The following PCDHGA3 variants were observed in gnomAD, a reference collection of about 807,000 sequenced individuals.
The protein encoded by PCDHGA3 is protocadherin gamma subfamily A, 3, also known as protocadherin gamma-A3.
Under a neutral mutation model 58.5 loss-of-function variants are expected in PCDHGA3, and 40 were observed. The ratio of observed to expected loss-of-function variants is 0.68; its 90% CI spans 0.53 to 0.89. PCDHGA3 has a LOEUF of 0.89. Among genes scored for constraint, PCDHGA3 ranks in the 40% least tolerant of loss-of-function variants. The pLI is 0.00. For missense variants in PCDHGA3, 1,223 were observed against 1,195.9 expected (o/e 1.02, Z -0.33); for synonymous variants, 530 against 525.7 (o/e 1.01, Z -0.11).
In PCDHGA3 at chr5:141,477,963, A is replaced by C; in HGVS notation, c.2425-16844A>C. ...TACAGTCTCTTGGGATCCCCTAACC[A>C]GAGCCTTTTTGCCATAGGGCTGCAC... On this transcript the variant is annotated intron_variant, in intron 1 of 3. Coordinates refer to ENST00000253812, the MANE Select transcript of PCDHGA3 (RefSeq NM_018916.4). The surrounding 1 kb of genome is among the most constrained non-coding windows in gnomAD (Gnocchi z 4.9). The C allele has an allele frequency of 1.2e-6, 2 of 1,614,118 alleles. No individual in the cohort carries two copies. The highest frequency in any genetic ancestry group is 1.7e-6 in the Non-Finnish European group (2 of 1,180,024).
intron 1 of PCDHGA3, among the ~76,000 whole-genome samples, chr5:141,451,606 G>C (rs2098720118): frequency 6.6e-6 from 1 of 152,152 alleles, no homozygotes; most frequent in Non-Finnish European, 1.5e-5. Flanking sequence ...ACAAGGCTAG[G>C]CATGGTGGCT....
intron 1 of PCDHGA3, chr5:141,430,634 C>G: frequency 1.1e-6 from 1 of 882,730 alleles, no homozygotes; most frequent in Non-Finnish European, 1.7e-6. Flanking sequence ...TGAACCATCC[C>G]TGGGAGTATG....
intron 3 of PCDHGA3, among the ~76,000 whole-genome samples, chr5:141,508,624 G>A (rs552418899): frequency 3.3e-5 from 5 of 152,256 alleles, no homozygotes; most frequent in African/African-American, 9.6e-5. Context: ...TGGGTGGGCC[G>A]AGCTTCTAGC....
Position 141,487,424 on chromosome 5 carries a change from C to T in PCDHGA3, c.2425-7383C>T, listed in dbSNP as rs759893122. 5 of 1,613,982 alleles carry T rather than the reference C, an allele frequency of 3.1e-6. No individual in the cohort carries two copies. The highest frequency in any genetic ancestry group is 1.7e-5 in the Admixed American group (1 of 60,000). On this transcript the variant is annotated intron_variant, in intron 1 of 3. Transcript: ENST00000253812. The surrounding 1 kb of genome is among the most constrained non-coding windows in gnomAD (Gnocchi z 5.0). ...GCTTCCCCCTTCCAATGGGATCCTC[C>T]GAATCCAGCTAGGGTCAGATGACCC...
intron 1 of PCDHGA3, chr5:141,372,843 T>C (rs1344316065): frequency 6.6e-7 from 1 of 1,510,382 alleles, no homozygotes; most frequent in East Asian, 2.3e-5. Flanking sequence ...TCCATAAATA[T>C]AATTGGGTTT....
chr5:141,473,776 T>C (rs1026169931), intron 1 of PCDHGA3, among the ~76,000 whole-genome samples: 1 of 152,214 alleles, frequency 6.6e-6, no homozygotes, highest in Non-Finnish European at 1.5e-5. Context: ...TTTGGTATTT[T>C]AATTCAAGAG....
At chr5:141,372,680 C>T in intron 1 of PCDHGA3, 1 of 1,614,016 alleles carries the variant, frequency 6.2e-7, no homozygotes, top group South Asian at 1.1e-5. Context: ...ATTCCTCAAA[C>T]ACCGAGTTTA....
chr5:141,404,348 G>T lies in PCDHGA3; in HGVS notation c.2424+57891G>T, dbSNP rs370966293. 60 of 1,613,640 alleles carry T rather than the reference G, an allele frequency of 3.7e-5. No individual in the cohort carries two copies. The highest frequency in any genetic ancestry group is 4.9e-5 in the Non-Finnish European group (58 of 1,179,784). ...CTCAGTCTACCTCCCGGAAAACAAC[G>T]CCAGAGGTACTTCCATCTTCTCCGT... On this transcript the variant is annotated intron_variant, in intron 1 of 3. Coordinates refer to ENST00000253812, the MANE Select transcript of PCDHGA3 (RefSeq NM_018916.4).
In PCDHGA3 at chr5:141,485,089, G is replaced by C; in HGVS notation, c.2425-9718G>C. 9.7e-7 allele frequency: 1 copy of C among 1,027,236 alleles called. No individual in the cohort carries two copies. The highest frequency in any genetic ancestry group is 1.5e-6 in the Non-Finnish European group (1 of 674,564). The allele number at this position is 1,027,236 out of a possible 1,614,324, so 63.6% of individuals were successfully genotyped here. On this transcript the variant is annotated intron_variant, in intron 1 of 3. Coordinates refer to ENST00000253812, the MANE Select transcript of PCDHGA3 (RefSeq NM_018916.4). This position sits in a 1 kb window ranked among gnomAD's most constrained non-coding sequence, Gnocchi z 5.7. ...GAGCTGGCGCGGGGAAAGGGAGATA[G>C]GTGTCTCCAGCTGCTGTGGCTGTTT... is the stretch of plus-strand genomic sequence containing the variant.
chr5:141,479,035 C>A (rs2099486361), intron 1 of PCDHGA3, among the ~76,000 whole-genome samples: 1 of 152,104 alleles, frequency 6.6e-6, no homozygotes, highest in Non-Finnish European at 1.5e-5. Context: ...TTATACAGAT[C>A]GTGTACCTCA....
intron 1 of PCDHGA3, chr5:141,355,971 A>G: frequency 6.2e-7 from 1 of 1,613,870 alleles, no homozygotes; most frequent in Non-Finnish European, 8.5e-7. Context: ...ACGTTCCTGT[A>G]GGCACTCGGC....
At position 141,485,062 on chromosome 5, in the gene PCDHGA3, C is replaced by A; in HGVS notation, c.2425-9745C>A. 1 of 876,340 alleles carries A rather than the reference C, an allele frequency of 1.1e-6. No individual in the cohort carries two copies. Among genetic ancestry groups the A allele is most frequent in the African/African-American group, 1.7e-5 (1 of 59,510 alleles). The allele number at this position is 876,340 out of a possible 1,614,324, so 54.3% of individuals were successfully genotyped here. On this transcript the variant is annotated intron_variant, in intron 1 of 3. Coordinates refer to ENST00000253812, the MANE Select transcript of PCDHGA3 (RefSeq NM_018916.4). This position sits in a 1 kb window ranked among gnomAD's most constrained non-coding sequence, Gnocchi z 5.7. ...CCTTGCGGCGCCGGCCGAACCGCGC[C>A]AGAGCTGGCGCGGGGAAAGGGAGAT...
chr5:141,451,112 G>A (rs776356458), intron 1 of PCDHGA3, among the ~76,000 whole-genome samples: 9 of 152,236 alleles, frequency 5.9e-5, no homozygotes, highest in Admixed American at 1.3e-4. Flanking sequence ...ACAGGCGTGA[G>A]CCACCACACC....
intron 1 of PCDHGA3, among the ~76,000 whole-genome samples, chr5:141,470,451 T>C (rs2099230860): frequency 6.6e-6 from 1 of 152,210 alleles, no homozygotes; most frequent in Non-Finnish European, 1.5e-5. Context: ...AATAGCATCT[T>C]GAATAGGATT....
chr5:141,408,752 G>A (rs780102602), intron 1 of PCDHGA3: 8 of 1,610,388 alleles, frequency 5.0e-6, no homozygotes, highest in Non-Finnish European at 5.9e-6. Flanking sequence ...AATGGTTAGA[G>A]TTAATTCCGA....
chr5:141,383,445 G>T (rs1779137475), intron 1 of PCDHGA3: 1 of 1,613,958 alleles, frequency 6.2e-7, no homozygotes, highest in East Asian at 2.2e-5. Flanking sequence ...CCCTGGCTGT[G>T]CAAAGTGGAG....
intron 1 of PCDHGA3, among the ~76,000 whole-genome samples, chr5:141,426,065 G>C (rs1214623774): frequency 1.3e-5 from 2 of 152,184 alleles, no homozygotes; most frequent in East Asian, 3.8e-4. Flanking sequence ...GCAAGAACTG[G>C]AGCCTGGGAT....
At chr5:141,417,892 C>T (rs550343206) in intron 1 of PCDHGA3, 13 of 1,570,660 alleles carry the variant, frequency 8.3e-6, no homozygotes, top group African/African-American at 5.4e-5. Flanking sequence ...GGCGCCGGGC[C>T]GGCCCGCGGC....
intron 1 of PCDHGA3, chr5:141,394,756 A>T (rs757241753): frequency 1.2e-6 from 2 of 1,613,324 alleles, no homozygotes; most frequent in Non-Finnish European, 1.7e-6. Flanking sequence ...GCCGTCCAGG[A>T]CCATGGCCAG....
Sources: allele counts gnomAD v4.1 joint callset (sites outside exome capture counted in the v4.1 genomes callset), GRCh38; gene constraint gnomAD v4.1.1; non-coding constraint Gnocchi (gnomAD v3.1); transcripts MANE v1.5; gene names NCBI Gene and HGNC (gene_info 2026-07-23, HGNC 2026-07-21).